The following AFG1L variants were observed in gnomAD, a reference collection of about 807,000 sequenced individuals.
AFG1L encodes AFG1-like ATPase.
Under a neutral mutation model 62.2 loss-of-function variants are expected in AFG1L, and 53 were observed. That is an observed-to-expected ratio of 0.85 (90% CI 0.68 to 1.07). AFG1L has a LOEUF of 1.07. AFG1L is among the 50% of genes least tolerant of loss of function. AFG1L has a pLI of 0.00. For missense variants in AFG1L, 555 were observed against 590.5 expected (o/e 0.94, Z 0.62); for synonymous variants, 228 against 210.3 (o/e 1.08, Z -0.73).
intron 6 of AFG1L, among the ~76,000 whole-genome samples, chr6:108,375,290 T>C (rs1314048153): frequency 6.6e-6 from 1 of 152,182 alleles, no homozygotes; most frequent in African/African-American, 2.4e-5. Context: ...ATAGTTTGAT[T>C]TCTCCTTTTC....
chr6:108,355,288 T>C (rs776797962), intron 3 of AFG1L, among the ~76,000 whole-genome samples: 9 of 152,080 alleles, frequency 5.9e-5, no homozygotes, highest in Non-Finnish European at 1.3e-4. Flanking sequence ...AAACAGTTCC[T>C]TATGCATAGT....
intron 11 of AFG1L, among the ~76,000 whole-genome samples, chr6:108,516,313 G>T (rs1021239291): frequency 6.6e-6 from 1 of 152,132 alleles, no homozygotes; most frequent in African/African-American, 2.4e-5. Flanking sequence ...ATGATCAAGT[G>T]GGCTTCATCC....
Position 108,522,538 on chromosome 6 carries a change from T to A in AFG1L, c.*113T>A. On this transcript the variant is annotated 3_prime_UTR_variant, in exon 13 of 13. Coordinates refer to ENST00000368977, the MANE Select transcript of AFG1L (RefSeq NM_145315.5). ...ATCATTAATTATGCACTTTGTCCTC[T>A]GGACCATTTTAATCTAAAATTGCTC... is the stretch of plus-strand genomic sequence containing the variant. 8.5e-7 allele frequency: 1 copy of A among 1,178,634 alleles called. No homozygotes were observed. Among genetic ancestry groups the A allele is most frequent in the Non-Finnish European group, 1.2e-6 (1 of 867,354 alleles). The allele number at this position is 1,178,634 out of a possible 1,614,324, so 73.0% of individuals were successfully genotyped here. A position where few individuals can be genotyped will look rare whatever the true frequency, so the allele number is the denominator to read the frequency against.
intron 6 of AFG1L, chr6:108,392,201 G>A (rs1781085458): frequency 6.6e-6 from 1 of 152,102 alleles, no homozygotes; most frequent in East Asian, 1.9e-4. Context: ...TTGCTTATTG[G>A]TAGCATATAA....
At chr6:108,478,314 G>A (rs2114818902) in intron 10 of AFG1L, among the ~76,000 whole-genome samples, 1 of 152,288 alleles carries the variant, frequency 6.6e-6, no homozygotes, top group East Asian at 1.9e-4. Context: ...GCGGGCGCCT[G>A]TAGTCCCAGC....
intron 7 of AFG1L, among the ~76,000 whole-genome samples, chr6:108,445,887 A>G (rs1421399838): frequency 1.3e-5 from 2 of 152,170 alleles, no homozygotes; most frequent in African/African-American, 2.4e-5. Context: ...CCAAAATGTG[A>G]TACAGAGACA....
intron 3 of AFG1L, among the ~76,000 whole-genome samples, chr6:108,348,108 T>C (rs1013703492): frequency 6.6e-6 from 1 of 151,982 alleles, no homozygotes; most frequent in African/African-American, 2.4e-5. Context: ...TGAGATGGAG[T>C]CTCTCTCTGT....
intron 7 of AFG1L, among the ~76,000 whole-genome samples, chr6:108,406,313 CTT>C (rs59484751): frequency 2.4e-4 from 34 of 141,058 alleles, no homozygotes; most frequent in Admixed American, 4.2e-4. Flanking sequence ...TTTCTTTTTC[CTT>C]TTTTTTTTTT....
intron 1 of AFG1L, among the ~76,000 whole-genome samples, chr6:108,307,005 T>C (rs1459579676): frequency 6.6e-6 from 1 of 152,096 alleles, no homozygotes; most frequent in Non-Finnish European, 1.5e-5. Flanking sequence ...AATTACTTTT[T>C]TTTTCTTTCT....
chr6:108,430,624 A>ACAG (rs1450875810), intron 7 of AFG1L, among the ~76,000 whole-genome samples: 1 of 152,206 alleles, frequency 6.6e-6, no homozygotes, highest in African/African-American at 2.4e-5. Context: ...GACAAATTGG[A>ACAG]GCCAATGAGC....
At chr6:108,462,704 T>A (rs1375902601) in intron 8 of AFG1L, among the ~76,000 whole-genome samples, 2 of 152,160 alleles carry the variant, frequency 1.3e-5, no homozygotes, top group Non-Finnish European at 2.9e-5. Context: ...GCCCACTAAA[T>A]CCAGCTAAAC....
rs1418897211 is a variant in AFG1L at position 108,525,758 on chromosome 6, G to C, written c.*3333G>C. Reference sequence around the variant, plus strand: ...AATGAATTGCTAAGATATAACCGAAGTCAATAAAATTAGCAAAGTGCTAAC... The same window carrying C: ...AATGAATTGCTAAGATATAACCGAACTCAATAAAATTAGCAAAGTGCTAAC... On this transcript the variant is annotated 3_prime_UTR_variant, in exon 13 of 13. Transcript: ENST00000368977. 1 of 152,176 alleles carries C rather than the reference G, an allele frequency of 6.6e-6. No homozygotes were observed. The highest frequency in any genetic ancestry group is 1.9e-4 in the East Asian group (1 of 5,204). 9.4% of individuals were successfully genotyped at this position (152,176 alleles called of 1,614,324 possible).
chr6:108,339,873 G>T (rs1013914563), intron 2 of AFG1L, among the ~76,000 whole-genome samples: 1 of 151,878 alleles, frequency 6.6e-6, no homozygotes, highest in Non-Finnish European at 1.5e-5. Flanking sequence ...TGGGATATCC[G>T]GCCTCTCAAA....
chr6:108,505,254 C>T (rs969613975), intron 10 of AFG1L, among the ~76,000 whole-genome samples: 12 of 152,176 alleles, frequency 7.9e-5, no homozygotes, highest in African/African-American at 1.4e-4. Context: ...CCGCCGCACC[C>T]GGCTAATTTT....
intron 2 of AFG1L, among the ~76,000 whole-genome samples, chr6:108,325,136 G>A (rs1406033956): frequency 6.6e-6 from 1 of 152,166 alleles, no homozygotes. Context: ...AGCAGGCACT[G>A]GTTTCTGTCT....
At chr6:108,464,779 A>G (rs1772601092) in intron 8 of AFG1L, among the ~76,000 whole-genome samples, 1 of 129,402 alleles carries the variant, frequency 7.7e-6, no homozygotes, top group South Asian at 2.4e-4. Flanking sequence ...TCAAAAAACA[A>G]AAAACAAACA....
intron 7 of AFG1L, among the ~76,000 whole-genome samples, chr6:108,425,416 A>G (rs947362725): frequency 2.0e-5 from 3 of 150,748 alleles, no homozygotes; most frequent in Non-Finnish European, 3.0e-5. Context: ...TAAATAGTGT[A>G]TGTGTGTGTG....
intron 7 of AFG1L, among the ~76,000 whole-genome samples, chr6:108,425,729 A>C (rs1417408575): frequency 1.3e-5 from 2 of 152,292 alleles, no homozygotes; most frequent in African/African-American, 4.8e-5. Context: ...TTTAGGTGGA[A>C]TTAATTATAT....
chr6:108,480,894 A>G (rs1419815210), intron 10 of AFG1L, among the ~76,000 whole-genome samples: 1 of 152,248 alleles, frequency 6.6e-6, no homozygotes, highest in Non-Finnish European at 1.5e-5. Context: ...TTTATGGAGC[A>G]TGAAGCTGAA....
Sources: allele counts gnomAD v4.1 joint callset (sites outside exome capture counted in the v4.1 genomes callset), GRCh38; gene constraint gnomAD v4.1.1; transcripts MANE v1.5; gene names NCBI Gene and HGNC (gene_info 2026-07-23, HGNC 2026-07-21).